The following CACNB2 variants were observed in gnomAD, a reference collection of about 807,000 sequenced individuals.
The protein encoded by CACNB2 is calcium voltage-gated channel auxiliary subunit beta 2.
CACNB2 carries 42 observed loss-of-function variants against 73.3 expected under a neutral mutation model. That is an observed-to-expected ratio of 0.57 (90% CI 0.45 to 0.74). The LOEUF (loss-of-function observed/expected upper bound fraction) is 0.74. CACNB2 is among the 30% of genes least tolerant of loss of function. CACNB2 has a pLI of 0.00. For synonymous variants in CACNB2, 348 were observed against 310.3 expected, an observed-to-expected ratio of 1.12 and a Z score of -1.28; for missense variants, 940 against 853.0, an observed-to-expected ratio of 1.10 and a Z score of -1.27.
chr10:18,536,273 TGGGG>T (rs150214686), intron 12 of CACNB2, 77 bp downstream of exon 12: 6 of 294,430 alleles, frequency 2.0e-5, no homozygotes, highest in Non-Finnish European at 3.6e-5. Context: ...TTTTTTTTTT[TGGGG>T]GACAAGGTCT....
chr10:18,272,959 A>T (rs1475807460), intron 2 of CACNB2, among the ~76,000 whole-genome samples: 1 of 152,206 alleles, frequency 6.6e-6, no homozygotes, highest in Non-Finnish European at 1.5e-5. Flanking sequence ...ACCATCTTAG[A>T]CTCATAGACT....
intron 5 of CACNB2, among the ~76,000 whole-genome samples, chr10:18,502,518 G>A (rs772657261): frequency 1.7e-4 from 25 of 147,916 alleles, no homozygotes; most frequent in Non-Finnish European, 3.4e-4. Context: ...GTGAAACCCC[G>A]TCTCTACTAA....
intron 4 of CACNB2, chr10:18,498,749 T>C (rs887778243): frequency 7.1e-5 from 30 of 421,344 alleles, no homozygotes; most frequent in Non-Finnish European, 1.0e-4. Flanking sequence ...TGATCCTTTT[T>C]TATGCTTAAC....
At chr10:18,377,172 G>T (rs1435246599) in intron 2 of CACNB2, among the ~76,000 whole-genome samples, 1 of 152,110 alleles carries the variant, frequency 6.6e-6, no homozygotes. Flanking sequence ...TAAGATACCA[G>T]TTTAAGTGTA....
At chr10:18,190,036 T>A (rs567084776) in intron 2 of CACNB2, among the ~76,000 whole-genome samples, 1 of 152,162 alleles carries the variant, frequency 6.6e-6, no homozygotes, top group African/African-American at 2.4e-5. Context: ...TCTCACAGAG[T>A]TTGGACAGGC....
At chr10:18,427,155 A>G (rs149205336) in intron 3 of CACNB2, among the ~76,000 whole-genome samples, 3,068 of 152,036 alleles carry the variant, frequency 0.02, 45 homozygotes, top group Middle Eastern at 0.034. Flanking sequence ...GTGTTTCTCC[A>G]TGCTGGTCAG....
At chr10:18,140,910 C>G (rs559931446) in intron 1 of CACNB2, 54 bp downstream of exon 1, 16 of 1,554,212 alleles carry the variant, frequency 1.0e-5, no homozygotes, top group Non-Finnish European at 1.4e-5. Context: ...GGCAGGGCAC[C>G]GACCTCGGGT....
At position 18,539,529 on chromosome 10, in the gene CACNB2, G is replaced by C; in HGVS notation, c.1788G>C (p.Gly596=). The change falls in exon 14 of 14, where the codon GGG becomes GGC. Residue 596 remains glycine (G), a synonymous_variant. Coordinates refer to ENST00000324631, the MANE Select transcript of CACNB2 (RefSeq NM_201596.3). ...RDHNHRDETH[G]SSDHRHRESR... ...ACAACCACAGAGACGAGACCCACGG[G>C]AGCAGTGACCACAGACACAGGGAGT... The C allele has an allele frequency of 6.2e-7, 1 of 1,613,866 alleles. No individual in the cohort carries two copies. The highest frequency in any genetic ancestry group is 8.5e-7 in the Non-Finnish European group (1 of 1,179,956).
intron 2 of CACNB2, among the ~76,000 whole-genome samples, chr10:18,284,156 T>C (rs965783743): frequency 2.0e-5 from 3 of 152,218 alleles, no homozygotes; most frequent in African/African-American, 7.2e-5. Context: ...CTCACAATCA[T>C]GGCAGAAGGC....
rs762840268 is a variant in CACNB2, at chr10:18,521,782, T to C, written c.944+2814T>C. Among the ~76,000 whole-genome samples the C allele has an allele frequency of 3.9e-5, 6 of 152,358 alleles. No individual in the cohort carries two copies. The South Asian group carries it at 8.3e-4, about 21-fold the overall frequency. Reference sequence around the variant, plus strand: ...AGGTTATTACAGGGGACCTGGAAGATACAGGGCTAGTGTATATTTCTGTAT... The same window carrying C: ...AGGTTATTACAGGGGACCTGGAAGACACAGGGCTAGTGTATATTTCTGTAT... On this transcript the variant is annotated intron_variant, in intron 9 of 13. Coordinates refer to ENST00000324631, the MANE Select transcript of CACNB2 (RefSeq NM_201596.3).
chr10:18,158,411 A>G (rs2032213554), intron 2 of CACNB2, among the ~76,000 whole-genome samples: 1 of 152,216 alleles, frequency 6.6e-6, no homozygotes, highest in Non-Finnish European at 1.5e-5. Flanking sequence ...TTTATGTGCT[A>G]TAAGAGATTC....
intron 3 of CACNB2, among the ~76,000 whole-genome samples, chr10:18,466,067 C>T (rs1401261575): frequency 2.6e-5 from 4 of 152,140 alleles, no homozygotes; most frequent in African/African-American, 9.7e-5. Context: ...CAACACTTGA[C>T]AAACACATAC....
At chr10:18,185,878 C>T (rs2034126320) in intron 2 of CACNB2, among the ~76,000 whole-genome samples, 1 of 152,000 alleles carries the variant, frequency 6.6e-6, no homozygotes, top group South Asian at 2.1e-4. Flanking sequence ...AGATGACATG[C>T]TGATGGTGCC....
intron 3 of CACNB2, among the ~76,000 whole-genome samples, chr10:18,428,893 T>C (rs2045741612): frequency 1.3e-5 from 2 of 152,174 alleles, no homozygotes; most frequent in African/African-American, 4.8e-5. Flanking sequence ...TGATTTATAT[T>C]TTTGCCAATA....
intron 2 of CACNB2, among the ~76,000 whole-genome samples, chr10:18,271,543 T>C (rs907429742): frequency 6.6e-6 from 1 of 152,220 alleles, no homozygotes; most frequent in Non-Finnish European, 1.5e-5. Flanking sequence ...CTTTAATGGC[T>C]ATATGTATGG....
chr10:18,216,569 T>C (rs1002695946), intron 2 of CACNB2, among the ~76,000 whole-genome samples: 5 of 147,576 alleles, frequency 3.4e-5, no homozygotes, highest in African/African-American at 4.9e-5. Context: ...CGGTGGTTTA[T>C]AGACACTTAG....
intron 2 of CACNB2, among the ~76,000 whole-genome samples, chr10:18,389,296 C>CTGG (rs2043364609): frequency 6.6e-6 from 1 of 152,122 alleles, no homozygotes; most frequent in Non-Finnish European, 1.5e-5. Flanking sequence ...GCCACCATGC[C>CTGG]TGGCTCATTT....
chr10:18,305,674 A>G (rs1653721413), intron 2 of CACNB2, among the ~76,000 whole-genome samples: 1 of 152,100 alleles, frequency 6.6e-6, no homozygotes, highest in South Asian at 2.1e-4. Context: ...TTTAAGTAAC[A>G]CCTCCTAATT....
intron 2 of CACNB2, among the ~76,000 whole-genome samples, chr10:18,289,208 C>T (rs2038939835): frequency 3.3e-5 from 5 of 151,898 alleles, no homozygotes; most frequent in Admixed American, 3.3e-4. Context: ...GCCTCTACCC[C>T]CGACCCCCTC....
Sources: allele counts gnomAD v4.1 joint callset (sites outside exome capture counted in the v4.1 genomes callset), GRCh38; gene constraint gnomAD v4.1.1; transcripts MANE v1.5; gene names NCBI Gene and HGNC (gene_info 2026-07-23, HGNC 2026-07-21).